The following PHF20L1 variants were observed in gnomAD, a reference collection of about 807,000 sequenced individuals.
The protein encoded by PHF20L1 is PHD finger protein 20 like 1, also known as PHD finger protein 20-like protein 1.
Under a neutral mutation model 125.5 loss-of-function variants are expected in PHF20L1, and 44 were observed. The ratio of observed to expected loss-of-function variants is 0.35; its 90% CI spans 0.28 to 0.45. PHF20L1 has a LOEUF of 0.45. Among genes scored for constraint, PHF20L1 ranks in the 20% least tolerant of loss-of-function variants. PHF20L1 has a pLI of 1.00. For missense variants in PHF20L1, 1,012 were observed against 1,217.2 expected, an observed-to-expected ratio of 0.83 and a Z score of 2.51; for synonymous variants, 380 against 403.1, an observed-to-expected ratio of 0.94 and a Z score of 0.69.
At chr8:132,776,776 CAT>C (rs1377744243) in intron 1 of PHF20L1, among the ~76,000 whole-genome samples, 1 of 152,174 alleles carries the variant, frequency 6.6e-6, no homozygotes, top group Non-Finnish European at 1.5e-5. Context: ...CTGTAGGGAA[CAT>C]AGTCATTAGT....
intron 14 of PHF20L1, among the ~76,000 whole-genome samples, chr8:132,828,169 C>T (rs115455198): frequency 6.6e-6 from 1 of 151,936 alleles, no homozygotes; most frequent in Non-Finnish European, 1.5e-5. Context: ...GAGGGAGTTT[C>T]AAAATTCTTT....
At chr8:132,803,196 T>G (rs1308983617) in intron 6 of PHF20L1, among the ~76,000 whole-genome samples, 3 of 151,816 alleles carry the variant, frequency 2.0e-5, no homozygotes, top group Admixed American at 2.0e-4. Flanking sequence ...CAGTTAATGC[T>G]TTACCTTGGT....
At chr8:132,844,432 G>A (rs577738736) in intron 20 of PHF20L1, 114 bp downstream of exon 20, 128 of 743,386 alleles carry the variant, frequency 1.7e-4, no homozygotes, top group Non-Finnish European at 2.6e-4. Context: ...TCTCCATACC[G>A]ATGGGGCTTT....
intron 2 of PHF20L1, among the ~76,000 whole-genome samples, chr8:132,779,314 G>A (rs573704290): frequency 2.0e-5 from 3 of 152,274 alleles, no homozygotes; most frequent in African/African-American, 7.2e-5. Context: ...GAATGAGGGT[G>A]GGTGGCGGTA....
chr8:132,845,483 A>G (rs1258454072), intron 20 of PHF20L1, among the ~76,000 whole-genome samples: 1 of 152,028 alleles, frequency 6.6e-6, no homozygotes, highest in Non-Finnish European at 1.5e-5. Context: ...GTGTGTGTAT[A>G]TGTTTATGTG....
chr8:132,834,916 C>CT (rs1347899453), intron 15 of PHF20L1, among the ~76,000 whole-genome samples: 1 of 151,844 alleles, frequency 6.6e-6, no homozygotes, highest in Non-Finnish European at 1.5e-5. Context: ...GAGAAGAAAA[C>CT]TTTATTTTTC....
chr8:132,782,590 C>CT (rs34304431), intron 2 of PHF20L1, among the ~76,000 whole-genome samples: 39,719 of 147,716 alleles, frequency 0.27, 6,209 homozygotes, highest in South Asian at 0.46. Context: ...TTTCTTTTTC[C>CT]TTTTTTTTTT....
chr8:132,814,459 A>C (rs1026792430), intron 9 of PHF20L1, among the ~76,000 whole-genome samples, 178 bp from the exon 10 acceptor site: 3 of 151,972 alleles, frequency 2.0e-5, no homozygotes, highest in East Asian at 1.9e-4. Flanking sequence ...AAGACAGCCT[A>C]TTCAACTTTT....
At chr8:132,789,753 T>A (rs1311279266) in intron 2 of PHF20L1, among the ~76,000 whole-genome samples, 1 of 152,036 alleles carries the variant, frequency 6.6e-6, no homozygotes, top group Non-Finnish European at 1.5e-5. Context: ...ATGCATGAAG[T>A]TTTAAGTGGA....
chr8:132,822,509 G>A (rs1835717283), intron 12 of PHF20L1, among the ~76,000 whole-genome samples: 1 of 151,942 alleles, frequency 6.6e-6, no homozygotes, highest in Admixed American at 6.6e-5. Context: ...TACCACTGAG[G>A]ATTTGGAAAG....
intron 12 of PHF20L1, 100 bp downstream of exon 12, chr8:132,817,645 C>T: frequency 1.4e-6 from 1 of 733,422 alleles, no homozygotes; most frequent in Non-Finnish European, 2.2e-6. Context: ...TATTTTGATT[C>T]CTATATAATT....
intron 6 of PHF20L1, among the ~76,000 whole-genome samples, chr8:132,801,065 C>A (rs1476423837): frequency 2.0e-5 from 3 of 151,436 alleles, no homozygotes. Flanking sequence ...TTATGAGATA[C>A]CTCCTTGTTC....
At chr8:132,813,972 T>G (rs557045302) in intron 9 of PHF20L1, among the ~76,000 whole-genome samples, 1 of 151,966 alleles carries the variant, frequency 6.6e-6, no homozygotes, top group South Asian at 2.1e-4. Context: ...TTACACTTTA[T>G]CTCTTTGGTT....
In PHF20L1 at chr8:132,843,811, T is replaced by G. The variant is rs1011765898; in HGVS notation, c.2749-345T>G. ...TGCTTTCCACTCTTATGTCCACTTATATCACCAGCTGAGATTAATTGAGGA... is the reference window on the plus strand; with the variant it reads ...TGCTTTCCACTCTTATGTCCACTTAGATCACCAGCTGAGATTAATTGAGGA... On this transcript the variant is annotated intron_variant, in intron 19 of 20. Transcript: ENST00000395386. The G allele has an allele frequency of 6.4e-5, 63 of 985,144 alleles. No individual in the cohort carries two copies. In the African/African-American group the frequency reaches 1.0e-3, roughly 16 times the overall value. The allele number at this position is 985,144 out of a possible 1,614,324, so 61.0% of individuals were successfully genotyped here. A position where few individuals can be genotyped will look rare whatever the true frequency, so the allele number is the denominator to read the frequency against.
At chr8:132,778,578 G>C (rs1830082291) in intron 2 of PHF20L1, among the ~76,000 whole-genome samples, 1 of 152,176 alleles carries the variant, frequency 6.6e-6, no homozygotes, top group Non-Finnish European at 1.5e-5. Context: ...CCTTTATACA[G>C]TGGTTAGGAA....
rs780747348 is a variant in PHF20L1, at chr8:132,837,672, T to C, written c.2092-40T>C. On this transcript the variant is annotated intron_variant, in intron 16 of 20. Coordinates refer to ENST00000395386, the MANE Select transcript of PHF20L1 (RefSeq NM_016018.5). ...ATCCTTATTCCTAGCTTATTCCTAG[T>C]GAGGATCGGGTGACTGTAATACTCC... The C allele has an allele frequency of 1.3e-5, 20 of 1,488,524 alleles. 1 individual carries two copies. The Middle Eastern group carries it at 1.0e-3, about 76-fold the overall frequency. The allele number at this position is 1,488,524 out of a possible 1,614,324, so 92.2% of individuals were successfully genotyped here.
At chr8:132,837,880 C>A in intron 17 of PHF20L1, 69 bp downstream of exon 17, 2 of 1,052,818 alleles carry the variant, frequency 1.9e-6, no homozygotes, top group East Asian at 2.5e-5. Flanking sequence ...CAGAGTGTAT[C>A]AGCTGTGTTC....
intron 15 of PHF20L1, among the ~76,000 whole-genome samples, chr8:132,835,154 G>C (rs1587064189): frequency 6.6e-6 from 1 of 152,040 alleles, no homozygotes; most frequent in East Asian, 1.9e-4. Flanking sequence ...AAACATTCTG[G>C]AGTGGCTATA....
chr8:132,838,523 C>T (rs1457139140), intron 17 of PHF20L1: 1 of 152,098 alleles, frequency 6.6e-6, no homozygotes, highest in East Asian at 1.9e-4. Flanking sequence ...CTTCAGATAG[C>T]ATATTCTGCA....
Sources: gnomAD v4.1 joint callset for allele counts (sites outside exome capture counted in the v4.1 genomes callset) on GRCh38, gnomAD v4.1.1 for gene constraint, MANE v1.5 for transcripts, NCBI Gene and HGNC (gene_info 2026-07-23, HGNC 2026-07-21) for gene names.